The following GALP variants were observed in gnomAD, a reference collection of about 807,000 sequenced individuals.
The protein encoded by GALP is galanin like peptide.
Under a neutral mutation model 15.2 loss-of-function variants are expected in GALP, and 12 were observed. The observed-to-expected ratio is 0.79, with a 90% confidence interval of 0.51 to 1.28. GALP has a LOEUF of 1.28. Ranked by LOEUF, GALP falls within the 50% of genes most tolerant of loss-of-function variation. The pLI is 0.00. For synonymous variants in GALP, 58 were observed against 55.1 expected, an observed-to-expected ratio of 1.05 and a Z score of -0.23; for missense variants, 161 against 145.6, an observed-to-expected ratio of 1.11 and a Z score of -0.55.
intron 2 of GALP, 22 bp from the exon 3 acceptor site, chr19:56,180,564 T>C: frequency 6.2e-7 from 1 of 1,612,066 alleles, no homozygotes; most frequent in Non-Finnish European, 8.5e-7. Context: ...GCTTGAGTCT[T>C]GATTTCTGCA....
chr19:56,179,231 G>T (rs2032519063), intron 2 of GALP, among the ~76,000 whole-genome samples: 2 of 151,438 alleles, frequency 1.3e-5, no homozygotes, highest in African/African-American at 4.9e-5. Flanking sequence ...ACCTGGGTTT[G>T]AGTCCCAGCT....
intron 5 of GALP, 148 bp downstream of exon 5, chr19:56,183,360 C>T: frequency 3.0e-6 from 2 of 667,022 alleles, no homozygotes; most frequent in Non-Finnish European, 5.4e-6. Flanking sequence ...ACTACCCCGA[C>T]CACTCAGCCT....
At chr19:56,178,221 TGA>T (rs1459980704) in intron 2 of GALP, among the ~76,000 whole-genome samples, 2 of 151,636 alleles carry the variant, frequency 1.3e-5, no homozygotes. Flanking sequence ...CCCAGTACTT[TGA>T]GAGGCCAAGA....
intron 3 of GALP, among the ~76,000 whole-genome samples, chr19:56,180,876 T>G (rs527767524): frequency 2.7e-5 from 4 of 149,808 alleles, no homozygotes; most frequent in South Asian, 2.1e-4. Flanking sequence ...TCTCTCTCTC[T>G]CTCGCTCTCT....
chr19:56,184,484 CTTTT>C (rs11414322), intron 5 of GALP, among the ~76,000 whole-genome samples: 1 of 117,664 alleles, frequency 8.5e-6, no homozygotes. Context: ...TTTTCTTTTT[CTTTT>C]TTTTTTTTTT....
intron 1 of GALP, among the ~76,000 whole-genome samples, chr19:56,176,300 C>A (rs1174358591): frequency 9.6e-6 from 1 of 103,820 alleles, no homozygotes; most frequent in Non-Finnish European, 1.9e-5. Flanking sequence ...GGGCGGATCC[C>A]AGCTGCACCG....
At chr19:56,183,758 C>T (rs1305024035) in intron 5 of GALP, among the ~76,000 whole-genome samples, 5 of 151,838 alleles carry the variant, frequency 3.3e-5, no homozygotes, top group South Asian at 2.1e-4. Context: ...CCACCATGTC[C>T]GGCTAATTTT....
intron 2 of GALP, among the ~76,000 whole-genome samples, chr19:56,179,797 TTTTTG>T (rs1221697629): frequency 6.6e-6 from 1 of 151,904 alleles, no homozygotes; most frequent in Non-Finnish European, 1.5e-5. Context: ...ATTTTTGTAT[TTTTTG>T]TTTTGTTTTG....
intron 2 of GALP, among the ~76,000 whole-genome samples, chr19:56,179,854 C>G (rs138072229): frequency 6.6e-6 from 1 of 151,588 alleles, no homozygotes; most frequent in Non-Finnish European, 1.5e-5. Context: ...CAGGCTGGAG[C>G]GCAGTGGTGC....
rs762684760 is a variant in GALP, at chr19:56,185,252, A to G, written c.333A>G (p.Glu111=). The G allele has an allele frequency of 6.2e-7, 1 of 1,606,594 alleles. No homozygotes were observed. The highest frequency in any genetic ancestry group is 8.5e-7 in the Non-Finnish European group (1 of 1,173,664). Residue 111 remains glutamate (E), a synonymous_variant, in exon 6 of 6, where the codon GAA becomes GAG. Transcript: ENST00000357330. Reference sequence around the variant, plus strand: ...TCAGCATGAAAATTCCCAAGGAGGAAGATGTCCTGAAGTCATAGATGTCTT... The same window carrying G: ...TCAGCATGAAAATTCCCAAGGAGGAGGATGTCCTGAAGTCATAGATGTCTT... ...GMLSMKIPKE[E]DVLKS
chr19:56,180,907 CTTTCTTTCT>C (rs1568578276), intron 3 of GALP, among the ~76,000 whole-genome samples: 13 of 83,724 alleles, frequency 1.6e-4, no homozygotes, highest in Middle Eastern at 6.2e-3. Flanking sequence ...TTCTTTCTTT[CTTTCTTTCT>C]TTTTTTTTTT....
intron 1 of GALP, among the ~76,000 whole-genome samples, chr19:56,176,343 C>T (rs111611176): frequency 4.2e-4 from 22 of 52,482 alleles, no homozygotes; most frequent in East Asian, 4.0e-3. Flanking sequence ...GGCAGAGGGG[C>T]GGATCCCAGC....
intron 2 of GALP, among the ~76,000 whole-genome samples, chr19:56,178,503 A>C (rs2122158614): frequency 7.0e-6 from 1 of 142,576 alleles, no homozygotes; most frequent in Admixed American, 7.4e-5. Context: ...AAAAGAAAAG[A>C]AATGCTAACA....
chr19:56,179,568 T>G (rs1205878183), intron 2 of GALP, among the ~76,000 whole-genome samples: 1 of 151,754 alleles, frequency 6.6e-6, no homozygotes, highest in South Asian at 2.1e-4. Flanking sequence ...TCCGCCAGCC[T>G]TGGCCAAGAG....
intron 1 of GALP, among the ~76,000 whole-genome samples, 190 bp from the exon 2 acceptor site, chr19:56,176,880 C>G (rs895853794): frequency 4.7e-5 from 6 of 127,724 alleles, no homozygotes; most frequent in Admixed American, 9.3e-5. Context: ...TCGGCCTGAT[C>G]CGATGATGGG....
At chr19:56,179,640 CTT>C (rs369518593) in intron 2 of GALP, among the ~76,000 whole-genome samples, 29,374 of 137,698 alleles carry the variant, frequency 0.21, 3,497 homozygotes, top group African/African-American at 0.33. Flanking sequence ...AAGAGCCTCT[CTT>C]TTTTTTTTTT....
At position 56,178,165 on chromosome 19, in the gene GALP, C is replaced by CA. The variant is rs71184328; in HGVS notation, c.87+984dup. 4.9e-3 allele frequency among the ~76,000 whole-genome samples: 671 copies of CA among 135,716 alleles called. 2 individuals are homozygous for CA. Among genetic ancestry groups the CA allele is most frequent in the Middle Eastern group, 8.1e-3 (2 of 248 alleles). The allele number at this position is 135,716 out of a possible 152,430, so 89.0% of individuals were successfully genotyped here. A position where few individuals can be genotyped will look rare whatever the true frequency, so the allele number is the denominator to read the frequency against. On this transcript the variant is annotated intron_variant, in intron 2 of 5. Coordinates refer to ENST00000357330, the MANE Select transcript of GALP (RefSeq NM_033106.4). ...CATTTAAAATGCAGTTTTTTTCTAA[C>CA]AAAAAAAAAAAAAAGAGGCCAGTCC...
At chr19:56,182,339 C>T in intron 4 of GALP, 87 bp downstream of exon 4, 1 of 922,464 alleles carries the variant, frequency 1.1e-6, no homozygotes, top group Non-Finnish European at 1.7e-6. Flanking sequence ...ATGTGAGCTC[C>T]AGCCCTCACC....
chr19:56,179,184 AAAAT>A (rs753762970), intron 2 of GALP, among the ~76,000 whole-genome samples: 5 of 150,194 alleles, frequency 3.3e-5, no homozygotes, highest in Non-Finnish European at 7.4e-5. Flanking sequence ...ACTCCATCTC[AAAAT>A]AAATAAATAA....
Sources: allele counts gnomAD v4.1 joint callset (sites outside exome capture counted in the v4.1 genomes callset), GRCh38; gene constraint gnomAD v4.1.1; transcripts MANE v1.5; gene names NCBI Gene and HGNC (gene_info 2026-07-23, HGNC 2026-07-21).